The following EFCAB5 variants were observed in gnomAD, a reference collection of about 807,000 sequenced individuals.
EFCAB5 encodes EF-hand calcium binding domain 5, also known as EF-hand calcium-binding domain-containing protein 5.
Under a neutral mutation model 167.9 loss-of-function variants are expected in EFCAB5, and 131 were observed. The ratio of observed to expected loss-of-function variants is 0.78; its 90% CI spans 0.68 to 0.90. EFCAB5 has a LOEUF of 0.90. EFCAB5 is among the 40% of genes least tolerant of loss of function. EFCAB5 has a pLI of 0.00. For missense variants in EFCAB5, 1,663 were observed against 1,745.2 expected (o/e 0.95, Z 0.84); for synonymous variants, 574 against 602.8 (o/e 0.95, Z 0.70).
intron 19 of EFCAB5, among the ~76,000 whole-genome samples, chr17:30,088,121 C>T (rs999363039): frequency 5.9e-5 from 9 of 151,970 alleles, no homozygotes; most frequent in African/African-American, 2.2e-4. Context: ...CTCTTTTTTT[C>T]CCAAATCCTT....
chr17:29,998,056 C>T (rs1371991939), intron 6 of EFCAB5, among the ~76,000 whole-genome samples: 1 of 151,966 alleles, frequency 6.6e-6, no homozygotes, highest in Non-Finnish European at 1.5e-5. Flanking sequence ...GTTACATTGA[C>T]AACAATACAT....
At chr17:30,070,344 T>A (rs755325823) in intron 14 of EFCAB5, among the ~76,000 whole-genome samples, 24 of 152,092 alleles carry the variant, frequency 1.6e-4, no homozygotes, top group Non-Finnish European at 3.1e-4. Context: ...TAAAAAAAAA[T>A]TCTAAAATTC....
chr17:30,014,952 G>A lies in EFCAB5; in HGVS notation c.1044+14976G>A, dbSNP rs1006185157. ...TGGCTGGTACTGGTTGTTCCTTTCC[G>A]TGTTTAGTGCTTCCTTCAGGAGCTC... is the stretch of plus-strand genomic sequence containing the variant. On this transcript the variant is annotated intron_variant, in intron 7 of 22. Transcript: ENST00000394835. Among the ~76,000 whole-genome samples the A allele has an allele frequency of 1.5e-3, 230 of 152,128 alleles. 3 individuals carry two copies. The Middle Eastern group carries it at 0.02, about 13-fold the overall frequency.
At chr17:30,003,051 G>A (rs184359299) in intron 7 of EFCAB5, among the ~76,000 whole-genome samples, 22 of 143,894 alleles carry the variant, frequency 1.5e-4, no homozygotes, top group African/African-American at 5.6e-4. Context: ...ACATGTTGCT[G>A]AGACTCTGAG....
At chr17:30,003,466 C>A (rs1567708049) in intron 7 of EFCAB5, among the ~76,000 whole-genome samples, 1 of 151,602 alleles carries the variant, frequency 6.6e-6, no homozygotes, top group Non-Finnish European at 1.5e-5. Flanking sequence ...CTCCTGAGCT[C>A]AAGAGATCCT....
At chr17:29,931,756 A>G (rs1300676354) in intron 1 of EFCAB5, among the ~76,000 whole-genome samples, 1 of 152,222 alleles carries the variant, frequency 6.6e-6, no homozygotes, top group East Asian at 1.9e-4. Context: ...ATGAACTCAA[A>G]TAAATGAAAT....
At chr17:29,944,630 T>G (rs534707606) in intron 3 of EFCAB5, among the ~76,000 whole-genome samples, 3 of 150,898 alleles carry the variant, frequency 2.0e-5, no homozygotes, top group East Asian at 1.9e-4. Context: ...TTGTTTTGTT[T>G]TTTTTTTTTT....
At chr17:30,061,480 G>A (rs1039377509) in intron 14 of EFCAB5, among the ~76,000 whole-genome samples, 2 of 152,166 alleles carry the variant, frequency 1.3e-5, no homozygotes, top group Admixed American at 6.5e-5. Flanking sequence ...TAAAATCATA[G>A]GATTAGAAGT....
chr17:30,000,013 T>C (rs1429625022), intron 7 of EFCAB5, 37 bp downstream of exon 7: 2 of 1,459,088 alleles, frequency 1.4e-6, no homozygotes, highest in Non-Finnish European at 9.3e-7. Flanking sequence ...AATTGAATTA[T>C]TTTGTCAGTT....
intron 1 of EFCAB5, among the ~76,000 whole-genome samples, chr17:29,933,416 C>T (rs1342077087): frequency 1.3e-5 from 2 of 152,178 alleles, no homozygotes; most frequent in African/African-American, 4.8e-5. Flanking sequence ...CCCTAGGCTC[C>T]ACCCTGGTTC....
intron 6 of EFCAB5, 63 bp downstream of exon 6, chr17:29,996,423 A>T: frequency 7.4e-7 from 1 of 1,356,332 alleles, no homozygotes. Context: ...GGGACACTGA[A>T]TTCAGATGAA....
chr17:30,069,570 G>A, intron 14 of EFCAB5: 2 of 1,613,294 alleles, frequency 1.2e-6, no homozygotes. Context: ...TTCCGCGTAT[G>A]GATCCTCTTC....
At chr17:29,946,594 G>A (rs919080293) in intron 3 of EFCAB5, among the ~76,000 whole-genome samples, 7 of 151,788 alleles carry the variant, frequency 4.6e-5, no homozygotes, top group Admixed American at 3.9e-4. Flanking sequence ...CTGCCACCAA[G>A]CCTGGCTAAT....
chr17:30,052,929 A>G (rs572706571), intron 9 of EFCAB5, among the ~76,000 whole-genome samples: 4 of 152,232 alleles, frequency 2.6e-5, no homozygotes, highest in Admixed American at 1.3e-4. Flanking sequence ...TGTGATGCTT[A>G]TTGTAGGAGA....
intron 7 of EFCAB5, among the ~76,000 whole-genome samples, chr17:30,029,726 C>T (rs7225686): frequency 6.6e-6 from 1 of 151,852 alleles, no homozygotes; most frequent in African/African-American, 2.4e-5. Flanking sequence ...CCAGGGCTTA[C>T]AAATACCGTT....
chr17:29,944,394 T>C (rs2067354607), intron 3 of EFCAB5, among the ~76,000 whole-genome samples: 1 of 152,116 alleles, frequency 6.6e-6, no homozygotes, highest in African/African-American at 2.4e-5. Context: ...TGGGAAACAA[T>C]TTAAAATGTA....
At chr17:30,022,205 G>T (rs978216748) in intron 7 of EFCAB5, among the ~76,000 whole-genome samples, 2 of 151,974 alleles carry the variant, frequency 1.3e-5, no homozygotes, top group African/African-American at 2.4e-5. Context: ...GTTTACTTCT[G>T]GTCTCTTAGT....
chr17:29,990,243 T>A (rs1377242631), intron 4 of EFCAB5, among the ~76,000 whole-genome samples: 1 of 152,208 alleles, frequency 6.6e-6, no homozygotes, highest in Non-Finnish European at 1.5e-5. Context: ...GATAAATGAT[T>A]GAAATGTCTG....
rs1767456338 is a variant in EFCAB5 at position 30,059,652 on chromosome 17, ACT to A, written c.2691_2692del (p.Leu898ValfsTer16). On this transcript the variant is annotated frameshift_variant, in exon 14 of 23. Coordinates refer to ENST00000394835, the MANE Select transcript of EFCAB5 (RefSeq NM_198529.4). LOFTEE classifies it high-confidence loss of function. ...TCCTGGATCTGAAGGAAGTTGATGAACTCTTGTACACATACAAGGAGGGAATG... is the reference window on the plus strand; with the variant it reads ...TCCTGGATCTGAAGGAAGTTGATGAACTTGTACACATACAAGGAGGGAATG... The part of the protein sequence containing the change: ...GFLDLKEVDE[L>X]LYTYKEGMEK... 6.2e-7 allele frequency: 1 copy of A among 1,609,932 alleles called. No homozygotes were observed. Among genetic ancestry groups the A allele is most frequent in the African/African-American group, 1.3e-5 (1 of 74,988 alleles).
Sources: gnomAD v4.1 joint callset for allele counts (sites outside exome capture counted in the v4.1 genomes callset) on GRCh38, gnomAD v4.1.1 for gene constraint, MANE v1.5 for transcripts, NCBI Gene and HGNC (gene_info 2026-07-23, HGNC 2026-07-21) for gene names.